Variants in TIFA observed in about 807,000 individuals in gnomAD.
TIFA encodes TRAF-interacting protein with FHA domain-containing protein A.
For synonymous variants in TIFA, 75 were observed against 79.2 expected, an observed-to-expected ratio of 0.95 and a Z score of 0.28; for missense variants, 186 against 215.2, an observed-to-expected ratio of 0.86 and a Z score of 0.85.
In TIFA at chr4:112,278,398, C is replaced by A; in HGVS notation, c.19G>T (p.Ala7Ser). MTSFED[A>S]DTEETVTCLQ... ...CAAGTTACTGTCTCTTCTGTGTCAGCATCTTCAAAACTGGTCATGATGTGC... is the reference window on the plus strand; with the variant it reads ...CAAGTTACTGTCTCTTCTGTGTCAGAATCTTCAAAACTGGTCATGATGTGC... The change falls in exon 2 of 2, where the codon GCT (alanine) becomes TCT (serine). Residue 7 changes from alanine to serine, a missense_variant. By Grantham distance (99) the Ala-to-Ser change is moderately conservative. Coordinates refer to ENST00000361717, the MANE Select transcript of TIFA (RefSeq NM_052864.3). 1 of 1,570,626 alleles carries A rather than the reference C, an allele frequency of 6.4e-7. No homozygotes were observed. The highest frequency in any genetic ancestry group is 1.2e-5 in the South Asian group (1 of 83,428).
At chr4:112,282,544 G>A (rs528393017) in intron 1 of TIFA, among the ~76,000 whole-genome samples, 1 of 152,208 alleles carries the variant, frequency 6.6e-6, no homozygotes, top group Non-Finnish European at 1.5e-5. Flanking sequence ...ATTCCCTACA[G>A]GGCAAGTATA....
rs1048381703 is a variant in TIFA at position 112,277,703 on chromosome 4, A to G, written c.*159T>C. 11 of 615,370 alleles carry G rather than the reference A, an allele frequency of 1.8e-5. No homozygotes were observed. The highest frequency in any genetic ancestry group is 2.7e-5 in the Non-Finnish European group (11 of 405,184). 38.1% of individuals were successfully genotyped at this position (615,370 alleles called of 1,614,324 possible). On this transcript the variant is annotated 3_prime_UTR_variant, in exon 2 of 2. Transcript: ENST00000361717. ...ACAACAGGTGACTAAGTTAATGACT[A>G]ACACAATTTACAGACTTCAAAATGA... is the stretch of plus-strand genomic sequence containing the variant.
In TIFA at chr4:112,275,266, T is replaced by C. The variant is rs1456199252; in HGVS notation, c.*2596A>G. The C allele has an allele frequency of 6.6e-6, 1 of 152,122 alleles. No individual in the cohort carries two copies. The highest frequency in any genetic ancestry group is 1.5e-5 in the Non-Finnish European group (1 of 68,044). 9.4% of individuals were successfully genotyped at this position (152,122 alleles called of 1,614,324 possible). ...CTGAAATCAAGAGATCAGGTCTCTT[T>C]GGGGGATCAATAACGTGTAAAACTT... On this transcript the variant is annotated 3_prime_UTR_variant, in exon 2 of 2. Coordinates refer to ENST00000361717, the MANE Select transcript of TIFA (RefSeq NM_052864.3).
rs1162827762 is a variant in TIFA at position 112,276,094 on chromosome 4, C to A, written c.*1768G>T. 6.6e-6 allele frequency: 1 copy of A among 152,270 alleles called. No individual in the cohort carries two copies. Among genetic ancestry groups the A allele is most frequent in the Non-Finnish European group, 1.5e-5 (1 of 68,038 alleles). The allele number at this position is 152,270 out of a possible 1,614,324, so 9.4% of individuals were successfully genotyped here. ...GTGATTTAGTGGCTTACGACCAACA[C>A]AAATTTATCATCATAAAGTTTTGTA... On this transcript the variant is annotated 3_prime_UTR_variant, in exon 2 of 2. Transcript: ENST00000361717.
Position 112,277,671 on chromosome 4 carries a change from CCAGAATACAACA to C in TIFA, c.*179_*190del. ...GCAGTTAAAATAATTTTGTGTAGATCCAGAATACAACAGGTGACTAAGTTAATGACTAACACA... is the reference window on the plus strand; with the variant it reads ...GCAGTTAAAATAATTTTGTGTAGATCGGTGACTAAGTTAATGACTAACACA... On this transcript the variant is annotated 3_prime_UTR_variant, in exon 2 of 2. Coordinates refer to ENST00000361717, the MANE Select transcript of TIFA (RefSeq NM_052864.3). 2.4e-6 allele frequency: 1 copy of C among 409,580 alleles called. No individual in the cohort carries two copies. Among genetic ancestry groups the C allele is most frequent in the East Asian group, 4.0e-5 (1 of 25,278 alleles). The allele number at this position is 409,580 out of a possible 1,614,324, so 25.4% of individuals were successfully genotyped here. A position where few individuals can be genotyped will look rare whatever the true frequency, so the allele number is the denominator to read the frequency against.
rs945166193 is a variant in TIFA, at chr4:112,275,955, T to A, written c.*1907A>T. ...TGTAAGCAATTCAAGCCGGGTGATCTGGCTGTAAACCCACATCAGACCAGA... is the reference window on the plus strand; with the variant it reads ...TGTAAGCAATTCAAGCCGGGTGATCAGGCTGTAAACCCACATCAGACCAGA... On this transcript the variant is annotated 3_prime_UTR_variant, in exon 2 of 2. Transcript: ENST00000361717. The A allele has an allele frequency of 1.3e-5, 2 of 152,216 alleles. No homozygotes were observed. The highest frequency in any genetic ancestry group is 4.8e-5 in the African/African-American group (2 of 41,452). The allele number at this position is 152,216 out of a possible 1,614,324, so 9.4% of individuals were successfully genotyped here. A position where few individuals can be genotyped will look rare whatever the true frequency, so the allele number is the denominator to read the frequency against.
chr4:112,281,086 C>T (rs1186644653), intron 1 of TIFA, among the ~76,000 whole-genome samples: 1 of 152,192 alleles, frequency 6.6e-6, no homozygotes, highest in African/African-American at 2.4e-5. Context: ...TGGGATGATG[C>T]ATTAGCAGTC....
chr4:112,282,780 C>G (rs1403957422), intron 1 of TIFA, among the ~76,000 whole-genome samples: 1 of 152,180 alleles, frequency 6.6e-6, no homozygotes, highest in Non-Finnish European at 1.5e-5. Flanking sequence ...GATAAAGCAC[C>G]AGGGAAGCGG....
At position 112,277,687 on chromosome 4, in the gene TIFA, G is replaced by GGTCTCCGTATC; in HGVS notation, c.*174_*175insGATACGGAGAC. On this transcript the variant is annotated 3_prime_UTR_variant, in exon 2 of 2. Transcript: ENST00000361717. ...TGTGTAGATCCAGAATACAACAGGTGACTAAGTTAATGACTAACACAATTT... is the reference window on the plus strand; with the variant it reads ...TGTGTAGATCCAGAATACAACAGGTGGTCTCCGTATCACTAAGTTAATGACTAACACAATTT... 4.5e-6 allele frequency: 2 copies of GGTCTCCGTATC among 441,780 alleles called. No individual in the cohort carries two copies. Among genetic ancestry groups the GGTCTCCGTATC allele is most frequent in the Non-Finnish European group, 7.3e-6 (2 of 275,058 alleles). The allele number at this position is 441,780 out of a possible 1,614,324, so 27.4% of individuals were successfully genotyped here.
intron 1 of TIFA, among the ~76,000 whole-genome samples, chr4:112,279,472 C>T (rs1349209487): frequency 2.0e-5 from 3 of 152,138 alleles, no homozygotes; most frequent in African/African-American, 7.2e-5. Context: ...CCCACCTGAA[C>T]TCTTTGTCTT....
intron 1 of TIFA, among the ~76,000 whole-genome samples, chr4:112,285,285 G>A (rs1727301603): frequency 6.6e-6 from 1 of 150,442 alleles, no homozygotes. Context: ...AAGCGGGGGA[G>A]GGGGGTCACG....
chr4:112,281,584 A>T (rs1025545973), intron 1 of TIFA: 1 of 152,150 alleles, frequency 6.6e-6, no homozygotes, highest in African/African-American at 2.4e-5. Flanking sequence ...TTGCTACCCC[A>T]TCCTTGCAGG....
intron 1 of TIFA, among the ~76,000 whole-genome samples, chr4:112,281,378 A>AT (rs1426590541): frequency 6.6e-6 from 1 of 152,192 alleles, no homozygotes; most frequent in African/African-American, 2.4e-5. Flanking sequence ...AGCTTACCCC[A>AT]TATAGGTTCT....
intron 1 of TIFA, among the ~76,000 whole-genome samples, chr4:112,283,491 C>A (rs1358378605): frequency 6.6e-6 from 1 of 152,146 alleles, no homozygotes; most frequent in Non-Finnish European, 1.5e-5. Flanking sequence ...ATTTGTTTAT[C>A]CTCAAAGCCA....
Position 112,277,865 on chromosome 4 carries a change from T to C in TIFA, c.552A>G (p.Ser184=), listed in dbSNP as rs754471132. The C allele has an allele frequency of 9.2e-5, 146 of 1,591,104 alleles. 1 individual carries two copies. The highest frequency in any genetic ancestry group is 3.5e-4 in the Middle Eastern group (2 of 5,730). The part of the protein sequence containing the change: ...SSPTEMDENE[S] ...TCTCCTCTTAGACTTTCTGTGTTCATGACTCATTTTCATCCATTTCTGTCG... is the reference window on the plus strand; with the variant it reads ...TCTCCTCTTAGACTTTCTGTGTTCACGACTCATTTTCATCCATTTCTGTCG... Residue 184 remains serine (S), a synonymous_variant, in exon 2 of 2, where the codon TCA becomes TCG. Transcript: ENST00000361717.
chr4:112,284,715 C>T (rs982077146), intron 1 of TIFA, among the ~76,000 whole-genome samples: 1 of 151,754 alleles, frequency 6.6e-6, no homozygotes. Flanking sequence ...ATACCGAACA[C>T]TGAGCACACA....
chr4:112,278,335 A>C lies in TIFA; in HGVS notation c.82T>G (p.Cys28Gly), dbSNP rs746228776. 25 of 1,613,310 alleles carry C rather than the reference A, an allele frequency of 1.5e-5. No individual in the cohort carries two copies. In the Admixed American group the frequency reaches 2.7e-4, roughly 17 times the overall value. The change falls in exon 2 of 2, where the codon TGT becomes GGT. Residue 28 changes from cysteine to glycine, a missense_variant. Transcript: ENST00000361717. ...AAACTTATTGACTGAAATATTCCAC[A>C]CTGCAACTGGCCAGGATGGTAAACC... ...MTVYHPGQLQCGIFQSISFNR... is the reference protein window; with the variant it reads ...MTVYHPGQLQGGIFQSISFNR...
intron 1 of TIFA, among the ~76,000 whole-genome samples, chr4:112,282,748 G>A (rs539191117): frequency 6.6e-6 from 1 of 152,312 alleles, no homozygotes; most frequent in African/African-American, 2.4e-5. Flanking sequence ...GCCCAGGAAG[G>A]TGTCAACTCA....
chr4:112,280,672 T>C (rs34709740), intron 1 of TIFA, among the ~76,000 whole-genome samples: 89,089 of 152,052 alleles, frequency 0.59, 27,272 homozygotes, highest in African/African-American at 0.78. Flanking sequence ...TTTTAAAATA[T>C]AATCTTTCCT....
Sources: allele counts gnomAD v4.1 joint callset (sites outside exome capture counted in the v4.1 genomes callset), GRCh38; gene constraint gnomAD v4.1.1; transcripts MANE v1.5; gene names NCBI Gene and HGNC (gene_info 2026-07-23, HGNC 2026-07-21).